Variants in RFX3 observed in about 807,000 individuals in gnomAD.
RFX3 encodes transcription factor RFX3.
In RFX3, 14 loss-of-function variants were observed where a neutral mutation model predicts 98.6. The observed-to-expected ratio is 0.14, with a 90% CI of 0.09 to 0.22. The LOEUF is 0.22. Ranked by LOEUF, RFX3 falls within the 10% of genes least tolerant of loss-of-function variation. The pLI is 1.00. For synonymous variants in RFX3, 383 were observed against 328.4 expected (o/e 1.17, Z -1.80); for missense variants, 639 against 926.9 (o/e 0.69, Z 4.03).
Position 3,445,404 on chromosome 9 carries a change from T to C in RFX3, c.-8-49808A>G, listed in dbSNP as rs562605792. Among the ~76,000 whole-genome samples the C allele has an allele frequency of 1.5e-4, 23 of 152,218 alleles. 1 individual carries two copies. The South Asian group carries it at 4.3e-3, about 29-fold the overall frequency. On this transcript the variant is annotated intron_variant, in intron 1 of 16. Coordinates refer to ENST00000617270, the MANE Select transcript of RFX3 (RefSeq NM_001282116.2). The stretch of plus-strand genomic sequence containing the variant: ...CTTGAACACATCAACTTATCAATAC[T>C]TCAAGATAGCTATTTTTCCCATTTT...
intron 4 of RFX3, among the ~76,000 whole-genome samples, chr9:3,310,521 T>C (rs944009163): frequency 6.6e-6 from 1 of 152,220 alleles, no homozygotes; most frequent in African/African-American, 2.4e-5. Context: ...GGTTTCATGG[T>C]AGAAACTTTC....
Position 3,301,689 on chromosome 9 carries a change from C to G in RFX3, c.475-69G>C, listed in dbSNP as rs1828677243. The G allele has an allele frequency of 1.6e-5, 18 of 1,110,064 alleles. No homozygotes were observed. The East Asian group carries it at 4.4e-4, about 27-fold the overall frequency. The allele number at this position is 1,110,064 out of a possible 1,614,324, so 68.8% of individuals were successfully genotyped here. On this transcript the variant is annotated intron_variant, in intron 4 of 16. Transcript: ENST00000617270. ...TAATAAAAGGCTGACCAGAGAATTT[C>G]TGATAGATTCTTTAAAGTCCAACTT...
In RFX3 at chr9:3,310,043, T is replaced by C. The variant is rs59731548; in HGVS notation, c.475-8423A>G. ...TAGAGGGTGTGATCCTGAACAGTGC[T>C]TTCCCCTGCAAAATCTTCAGTAAAA... On this transcript the variant is annotated intron_variant, in intron 4 of 16. Transcript: ENST00000617270. 8.4e-4 allele frequency among the ~76,000 whole-genome samples: 128 copies of C among 152,306 alleles called. 1 individual carries two copies. The highest frequency in any genetic ancestry group is 3.0e-3 in the African/African-American group (126 of 41,578).
chr9:3,336,943 T>G lies in RFX3; in HGVS notation c.216-6426A>C, dbSNP rs543063340. 4.8e-4 allele frequency among the ~76,000 whole-genome samples: 73 copies of G among 152,348 alleles called. 1 individual carries two copies. The highest frequency in any genetic ancestry group is 1.6e-3 in the African/African-American group (68 of 41,592). ...GTGTGAATGCCTGGGTATGTATGTG[T>G]GTACTTACCAGAGTATGAAATGTAC... On this transcript the variant is annotated intron_variant, in intron 3 of 16. Transcript: ENST00000617270.
At chr9:3,333,185 CA>C (rs1451387172) in intron 3 of RFX3, among the ~76,000 whole-genome samples, 1 of 152,166 alleles carries the variant, frequency 6.6e-6, no homozygotes, top group Admixed American at 6.5e-5. Flanking sequence ...TTCTGTATCA[CA>C]AATCTTTTAT....
In RFX3 at chr9:3,330,426, C is replaced by T. The variant is rs1832457702; in HGVS notation, c.307G>A (p.Val103Met). 1 of 1,613,950 alleles carries T rather than the reference C, an allele frequency of 6.2e-7. No individual in the cohort carries two copies. Among genetic ancestry groups the T allele is most frequent in the Non-Finnish European group, 8.5e-7 (1 of 1,180,016 alleles). Reference sequence around the variant, plus strand: ...CTGTGGGATGAGACCACGGTAGTCACCTGGGCGGAACTCCCTTGAGTATCA... The same window carrying T: ...CTGTGGGATGAGACCACGGTAGTCATCTGGGCGGAACTCCCTTGAGTATCA... The part of the protein sequence containing the change: ...YFDTQGSSAQ[V>M]TTVVSSHSMV... Residue 103 changes from valine to methionine, a missense_variant, in exon 4 of 17, where the codon GTG (valine) becomes ATG (methionine). Val to Met is a conservative substitution (Grantham distance 21, BLOSUM62 1). Around this residue, in one of 9 missense-constraint regions of RFX3, gnomAD observed 210 missense variants for 197.7 expected, o/e 1.06. Transcript: ENST00000617270.
chr9:3,283,857 C>CAT (rs3028228), intron 7 of RFX3, among the ~76,000 whole-genome samples: 36,369 of 151,404 alleles, frequency 0.24, 6,675 homozygotes, highest in African/African-American at 0.52. Context: ...AATTTTATTA[C>CAT]GTGTATTTCT....
chr9:3,347,317 T>C (rs879467753), intron 2 of RFX3, among the ~76,000 whole-genome samples: 2 of 149,952 alleles, frequency 1.3e-5, no homozygotes, highest in Non-Finnish European at 1.5e-5. Flanking sequence ...TGAGATTCTG[T>C]CTCAAAAAAA....
At chr9:3,396,968 A>G (rs552952421) in intron 1 of RFX3, among the ~76,000 whole-genome samples, 1 of 152,218 alleles carries the variant, frequency 6.6e-6, no homozygotes, top group Non-Finnish European at 1.5e-5. Flanking sequence ...AATTTTGTGT[A>G]TGGTATAATA....
intron 12 of RFX3, among the ~76,000 whole-genome samples, chr9:3,265,449 C>T (rs575911226): frequency 1.3e-5 from 2 of 152,242 alleles, no homozygotes; most frequent in South Asian, 4.1e-4. Context: ...CAACTCTGCC[C>T]CCCGATTCAA....
chr9:3,467,501 A>G (rs1213589502), intron 1 of RFX3, among the ~76,000 whole-genome samples: 3 of 151,908 alleles, frequency 2.0e-5, no homozygotes, highest in Non-Finnish European at 4.4e-5. Flanking sequence ...TCCCTCTTAC[A>G]TGAAAATTAT....
At chr9:3,444,192 C>T (rs1371359731) in intron 1 of RFX3, among the ~76,000 whole-genome samples, 2 of 152,124 alleles carry the variant, frequency 1.3e-5, no homozygotes, top group African/African-American at 4.8e-5. Context: ...TATATAAACT[C>T]ATTGTGGTAT....
At chr9:3,486,242 T>C (rs1850264874) in intron 1 of RFX3, among the ~76,000 whole-genome samples, 1 of 151,330 alleles carries the variant, frequency 6.6e-6, no homozygotes, top group Admixed American at 6.6e-5. Flanking sequence ...TATCCCTCTC[T>C]ACCCTACTCC....
intron 1 of RFX3, chr9:3,524,556 TAA>T (rs577224517): frequency 3.2e-4 from 248 of 766,808 alleles, no homozygotes; most frequent in South Asian, 4.1e-4. Context: ...ATGAGGAGAT[TAA>T]AAAAAAAAAA....
intron 4 of RFX3, among the ~76,000 whole-genome samples, chr9:3,328,954 T>C (rs1393961723): frequency 5.3e-5 from 8 of 152,148 alleles, no homozygotes; most frequent in Admixed American, 5.2e-4. Flanking sequence ...ACCTAGAAAA[T>C]CTATTTCATT....
chr9:3,317,266 G>T (rs1478361077), intron 4 of RFX3, among the ~76,000 whole-genome samples: 2 of 152,146 alleles, frequency 1.3e-5, no homozygotes, highest in Non-Finnish European at 2.9e-5. Context: ...CAAGAAATGG[G>T]GAAAGGATTC....
intron 3 of RFX3, among the ~76,000 whole-genome samples, chr9:3,338,291 TA>T (rs1299919615): frequency 6.6e-6 from 1 of 152,116 alleles, no homozygotes; most frequent in Non-Finnish European, 1.5e-5. Flanking sequence ...TAACAAAAAG[TA>T]AAAAACAAAA....
chr9:3,241,011 T>G (rs992521044), intron 15 of RFX3, among the ~76,000 whole-genome samples: 3 of 152,222 alleles, frequency 2.0e-5, no homozygotes, highest in African/African-American at 7.2e-5. Flanking sequence ...GTGCTGAGAT[T>G]TCTTTCCTGA....
chr9:3,504,917 A>G (rs1816709415), intron 1 of RFX3, among the ~76,000 whole-genome samples: 2 of 75,976 alleles, frequency 2.6e-5, no homozygotes, highest in African/African-American at 1.3e-4. Flanking sequence ...TATATATAAT[A>G]TAACATATAT....
Sources: gnomAD v4.1 joint callset for allele counts (sites outside exome capture counted in the v4.1 genomes callset) on GRCh38, gnomAD v4.1.1 for gene constraint, gnomAD v4.1.1 regional missense constraint, MANE v1.5 for transcripts, NCBI Gene and HGNC (gene_info 2026-07-23, HGNC 2026-07-21) for gene names.